POU3F3: variants seen among roughly 807,000 people sequenced by gnomAD.
The protein encoded by POU3F3 is POU class 3 homeobox 3, also known as POU domain, class 3, transcription factor 3.
Under a neutral mutation model 8.6 loss-of-function variants are expected in POU3F3, and 1 was observed. The observed-to-expected ratio is 0.12, with a 90% confidence interval of 0.04 to 0.55. The LOEUF is 0.55. Ranked by LOEUF, POU3F3 falls within the 20% of genes least tolerant of loss-of-function variation. POU3F3 has a pLI of 0.91. For missense variants in POU3F3, 577 were observed against 690.7 expected, an observed-to-expected ratio of 0.84 and a Z score of 1.84; for synonymous variants, 418 against 327.4, an observed-to-expected ratio of 1.28 and a Z score of -2.99.
chr2:104,867,582 G>C, the POU3F3 span: 1 of 152,694 alleles, frequency 6.5e-6, no homozygotes, highest in Non-Finnish European at 1.5e-5. The surrounding 1 kb of genome is among the most constrained non-coding windows in gnomAD (Gnocchi z 5.0). Context: ...AGGCCTGAGC[G>C]GGTAGGGGTA....
the POU3F3 span, among the ~76,000 whole-genome samples, chr2:104,921,998 A>G: frequency 3.3e-3 from 501 of 152,320 alleles, 2 homozygotes; most frequent in African/African-American, 0.011. Flanking sequence ...CTCCATCTCA[A>G]AGAATGAAAA....
chr2:104,893,183 G>T, the POU3F3 span, among the ~76,000 whole-genome samples: 1 of 152,152 alleles, frequency 6.6e-6, no homozygotes, highest in Admixed American at 6.5e-5. Context: ...GTGTGCTCAG[G>T]GCCCCAGCTA....
chr2:104,927,016 A>G, the POU3F3 span, among the ~76,000 whole-genome samples: 1 of 152,160 alleles, frequency 6.6e-6, no homozygotes, highest in Non-Finnish European at 1.5e-5. Flanking sequence ...TGATGGGTGG[A>G]TGGGCGCAAC....
the POU3F3 span, among the ~76,000 whole-genome samples, chr2:104,887,752 A>C: frequency 5.1e-3 from 774 of 152,336 alleles, 11 homozygotes; most frequent in African/African-American, 0.017. Flanking sequence ...AGAGTAGTGC[A>C]AGCTGTTCAA....
the POU3F3 span, among the ~76,000 whole-genome samples, chr2:104,921,479 C>T: frequency 1.1e-4 from 16 of 152,222 alleles, no homozygotes; most frequent in African/African-American, 3.6e-4. Flanking sequence ...GATCAATTTC[C>T]ACCCATAACA....
rs1676525820 is a variant in POU3F3, at chr2:104,855,235, A to C, written c.-276A>C. Among the ~76,000 whole-genome samples the C allele has an allele frequency of 1.3e-5, 2 of 150,216 alleles. No individual in the cohort carries two copies. The highest frequency in any genetic ancestry group is 3.0e-5 in the Non-Finnish European group (2 of 67,506). On this transcript the variant is annotated 5_prime_UTR_variant, in exon 1 of 1. Coordinates refer to ENST00000361360, the MANE Select transcript of POU3F3 (RefSeq NM_006236.3). ...GCGGCTGCTGCTGCTGCTGGTGACC[A>C]AGGCCGGCCGGCGACCCCCGCGCCC...
chr2:104,855,364 C>T lies in POU3F3; in HGVS notation c.-147C>T. 9.1e-6 allele frequency: 2 copies of T among 220,198 alleles called. No individual in the cohort carries two copies. Among genetic ancestry groups the T allele is most frequent in the Non-Finnish European group, 1.2e-5 (2 of 168,408 alleles). The allele number at this position is 220,198 out of a possible 1,614,324, so 13.6% of individuals were successfully genotyped here. On this transcript the variant is annotated 5_prime_UTR_variant, in exon 1 of 1. Coordinates refer to ENST00000361360, the MANE Select transcript of POU3F3 (RefSeq NM_006236.3). ...GAGGCGGCGAAGGCGGCGGGGCCGGCGGGGGCCCGGGGCGGGGGCGGGGAA... is the reference window on the plus strand; with the variant it reads ...GAGGCGGCGAAGGCGGCGGGGCCGGTGGGGGCCCGGGGCGGGGGCGGGGAA...
At chr2:104,916,547 CTT>C in the POU3F3 span, among the ~76,000 whole-genome samples, 1 of 152,186 alleles carries the variant, frequency 6.6e-6, no homozygotes, top group African/African-American at 2.4e-5. Flanking sequence ...CTGTGGGCCT[CTT>C]TCCACAGGGC....
At chr2:104,920,096 C>A in the POU3F3 span, among the ~76,000 whole-genome samples, 3 of 152,154 alleles carry the variant, frequency 2.0e-5, no homozygotes, top group Non-Finnish European at 2.9e-5. Flanking sequence ...CCCACTGCAA[C>A]CTCTACCTCC....
At chr2:104,912,673 G>C in the POU3F3 span, among the ~76,000 whole-genome samples, 1 of 152,242 alleles carries the variant, frequency 6.6e-6, no homozygotes, top group South Asian at 2.1e-4. Context: ...CATTGAGCAC[G>C]ACCCAGGTCA....
chr2:104,876,387 G>A, the POU3F3 span, among the ~76,000 whole-genome samples: 2 of 152,270 alleles, frequency 1.3e-5, 1 homozygote, highest in East Asian at 3.9e-4. Context: ...AATAGCCACT[G>A]TGCAAGCAGG....
the POU3F3 span, among the ~76,000 whole-genome samples, chr2:104,901,662 G>C: frequency 6.6e-6 from 1 of 152,208 alleles, no homozygotes; most frequent in Non-Finnish European, 1.5e-5. Flanking sequence ...TCCAGTCCCC[G>C]AGCAGTTTGG....
At chr2:104,908,650 G>C in the POU3F3 span, among the ~76,000 whole-genome samples, 17 of 152,286 alleles carry the variant, frequency 1.1e-4, no homozygotes, top group East Asian at 2.9e-3. Context: ...ATTTGAGCAA[G>C]AGTGAGGAAG....
At chr2:104,904,479 T>C in the POU3F3 span, among the ~76,000 whole-genome samples, 1 of 152,102 alleles carries the variant, frequency 6.6e-6, no homozygotes, top group African/African-American at 2.4e-5. Context: ...AATGAGTATA[T>C]ACTGCAAAGG....
At chr2:104,913,035 A>C in the POU3F3 span, among the ~76,000 whole-genome samples, 1 of 152,196 alleles carries the variant, frequency 6.6e-6, no homozygotes, top group Non-Finnish European at 1.5e-5. Context: ...GAAAAGAAAA[A>C]CATGTAGTGG....
the POU3F3 span, chr2:104,925,973 C>T: frequency 6.6e-6 from 1 of 152,178 alleles, no homozygotes; most frequent in Non-Finnish European, 1.5e-5. Flanking sequence ...ATTTGGAAGT[C>T]CAAGATCAAG....
chr2:104,921,221 C>A, the POU3F3 span, among the ~76,000 whole-genome samples: 1 of 151,992 alleles, frequency 6.6e-6, no homozygotes, highest in Admixed American at 6.6e-5. Flanking sequence ...TAGTGGTGTA[C>A]GCTTCATAGC....
At position 104,855,360 on chromosome 2, in the gene POU3F3, C is replaced by T. The variant is rs1340235291; in HGVS notation, c.-151C>T. 5.4e-5 allele frequency: 11 copies of T among 204,688 alleles called. No individual in the cohort carries two copies. The highest frequency in any genetic ancestry group is 1.7e-4 in the South Asian group (1 of 5,938). 12.7% of individuals were successfully genotyped at this position (204,688 alleles called of 1,614,324 possible). On this transcript the variant is annotated 5_prime_UTR_variant, in exon 1 of 1. Coordinates refer to ENST00000361360, the MANE Select transcript of POU3F3 (RefSeq NM_006236.3). ...GGAGGAGGCGGCGAAGGCGGCGGGG[C>T]CGGCGGGGGCCCGGGGCGGGGGCGG... is the stretch of plus-strand genomic sequence containing the variant.
the POU3F3 span, among the ~76,000 whole-genome samples, chr2:104,871,205 C>T: frequency 6.6e-6 from 1 of 152,214 alleles, no homozygotes; most frequent in South Asian, 2.1e-4. Flanking sequence ...ATTGTGTAAC[C>T]ACCATCATCA....
Sources: gnomAD v4.1 joint callset for allele counts (sites outside exome capture counted in the v4.1 genomes callset) on GRCh38, gnomAD v4.1.1 for gene constraint, Gnocchi (gnomAD v3.1) non-coding constraint, MANE v1.5 for transcripts, NCBI Gene and HGNC (gene_info 2026-07-23, HGNC 2026-07-21) for gene names.